The following NEK8 variants were observed in gnomAD, a reference collection of about 807,000 sequenced individuals.
The protein encoded by NEK8 is serine/threonine-protein kinase Nek8.
NEK8 carries 51 observed loss-of-function variants against 77.2 expected under a neutral mutation model. The observed-to-expected ratio is 0.66, with a 90% CI of 0.53 to 0.83. The LOEUF is 0.83. Ranked by LOEUF, NEK8 falls within the 40% of genes least tolerant of loss-of-function variation. The pLI, the probability that NEK8 is intolerant of heterozygous loss-of-function variation, is 0.00. For missense variants in NEK8, 787 were observed against 909.2 expected (o/e 0.87, Z 1.73); for synonymous variants, 365 against 363.2 (o/e 1.00, Z -0.06).
intron 9 of NEK8, 46 bp downstream of exon 9, chr17:28,738,793 G>A: frequency 6.8e-7 from 1 of 1,478,360 alleles, no homozygotes; most frequent in Non-Finnish European, 9.5e-7. Context: ...GGGGATGGCG[G>A]GGAGCCCACA....
chr17:28,741,313 C>A lies in NEK8; in HGVS notation c.1891+77C>A. On this transcript the variant is annotated intron_variant, in intron 13 of 14. Transcript: ENST00000268766. This position sits in a 1 kb window ranked among gnomAD's most constrained non-coding sequence, Gnocchi z 4.5. The stretch of plus-strand genomic sequence containing the variant: ...GGGGTTGCTATTCAGGGCCACTGGA[C>A]TCTGGAGCCTCCCAGGGGCCATCCT... The A allele has an allele frequency of 6.3e-7, 1 of 1,596,522 alleles. No individual in the cohort carries two copies. The highest frequency in any genetic ancestry group is 1.1e-5 in the South Asian group (1 of 89,158).
At chr17:28,733,040 AT>A (rs775027864) in intron 1 of NEK8, 148 of 123,052 alleles carry the variant, frequency 1.2e-3, no homozygotes, top group Middle Eastern at 4.2e-3. Context: ...TGCTCAGCTA[AT>A]TTTTTTTTTT....
chr17:28,737,400 T>C lies in NEK8; in HGVS notation c.713T>C (p.Leu238Pro). The C allele has an allele frequency of 6.2e-7, 1 of 1,613,732 alleles. No individual in the cohort carries two copies. The highest frequency in any genetic ancestry group is 2.2e-5 in the East Asian group (1 of 44,890). Residue 238 changes from leucine to proline, a missense_variant, in exon 5 of 15, where the codon CTA becomes CCA. This residue lies in a region of NEK8 where 271 missense variants were observed against 365.1 expected (regional missense o/e 0.74). Coordinates refer to ENST00000268766, the MANE Select transcript of NEK8 (RefSeq NM_178170.3). The surrounding 1 kb of genome is among the most constrained non-coding windows in gnomAD (Gnocchi z 4.8). ...GAGCTTCGCCAGCTGGTCCTGAGTC[T>C]ACTCAGCCTGGAGCCTGCCCAGCGG... Reference protein sequence around the residue: ...SPELRQLVLSLLSLEPAQRPP... With the variant: ...SPELRQLVLSPLSLEPAQRPP...
intron 8 of NEK8, 21 bp downstream of exon 8, chr17:28,738,266 T>C (rs1347602825): frequency 6.2e-7 from 1 of 1,614,098 alleles, no homozygotes; most frequent in East Asian, 2.2e-5. Context: ...GGGCCTACCT[T>C]GTGGGACCTG....
chr17:28,738,021 C>T (rs762225317), intron 7 of NEK8, 21 bp downstream of exon 7: 5 of 1,612,690 alleles, frequency 3.1e-6, no homozygotes, highest in Non-Finnish European at 4.2e-6. Flanking sequence ...CAGGGGGTGG[C>T]CTGGATGGGT....
chr17:28,737,704 CAGGG>C lies in NEK8; in HGVS notation c.860_863del (p.Gly287AlafsTer16). On this transcript the variant is annotated frameshift_variant, in exon 6 of 15. Coordinates refer to ENST00000268766, the MANE Select transcript of NEK8 (RefSeq NM_178170.3). LOFTEE classifies it high-confidence loss of function. This position sits in a 1 kb window ranked among gnomAD's most constrained non-coding sequence, Gnocchi z 4.8. ...GAGAAGTCCGTGGCCCCCAGCAACA[CAGGG>C]AGCAGGACCACCAGTGTCCGCTGCA... The C allele has an allele frequency of 6.2e-7, 1 of 1,614,156 alleles. No homozygotes were observed. The highest frequency in any genetic ancestry group is 2.2e-5 in the East Asian group (1 of 44,888).
intron 8 of NEK8, 112 bp downstream of exon 8, chr17:28,738,357 G>A (rs2034388180): frequency 9.3e-6 from 12 of 1,295,654 alleles, no homozygotes; most frequent in Non-Finnish European, 1.2e-5. Context: ...TAGTTATCGA[G>A]TTATTGCTTC....
intron 1 of NEK8, among the ~76,000 whole-genome samples, chr17:28,729,532 A>ATTTTTTTTTT (rs10523946): frequency 2.0e-5 from 2 of 98,350 alleles, no homozygotes; most frequent in Non-Finnish European, 1.9e-5. Flanking sequence ...AATTTTTTGG[A>ATTTTTTTTTT]TTTTTTTTTT....
chr17:28,736,112 T>A (rs921800755), intron 4 of NEK8, among the ~76,000 whole-genome samples: 1 of 152,228 alleles, frequency 6.6e-6, no homozygotes, highest in African/African-American at 2.4e-5. Flanking sequence ...AACTCATCAT[T>A]TTTTACGGCT....
In NEK8 at chr17:28,740,965, C is replaced by T. The variant is rs776359938; in HGVS notation, c.1712C>T (p.Ala571Val). The T allele has an allele frequency of 1.9e-6, 3 of 1,614,158 alleles. No individual in the cohort carries two copies. Among genetic ancestry groups the T allele is most frequent in the Non-Finnish European group, 2.5e-6 (3 of 1,180,040 alleles). ...CTGCTGAGTATAGACCTGGGCACTG[C>T]TCACTCAGCTGCTGTGACTGGTGAG... ...EPLLSIDLGTAHSAAVTASGD... is the reference protein window; with the variant it reads ...EPLLSIDLGTVHSAAVTASGD... Residue 571 changes from alanine (A) to valine (V), a missense_variant, in exon 12 of 15, where the codon GCT becomes GTT. This residue lies in a region of NEK8 where 516 missense variants were observed against 544.0 expected (regional missense o/e 0.95). Coordinates refer to ENST00000268766, the MANE Select transcript of NEK8 (RefSeq NM_178170.3). The surrounding 1 kb of genome is among the most constrained non-coding windows in gnomAD (Gnocchi z 4.7).
chr17:28,736,550 CT>C (rs1429876339), intron 4 of NEK8, among the ~76,000 whole-genome samples: 2 of 152,162 alleles, frequency 1.3e-5, no homozygotes, highest in African/African-American at 2.4e-5. Context: ...TTTCATGTGT[CT>C]TTTGGCTGCA....
intron 1 of NEK8, among the ~76,000 whole-genome samples, chr17:28,733,612 C>T (rs998849114): frequency 2.0e-5 from 3 of 152,194 alleles, no homozygotes; most frequent in Non-Finnish European, 2.9e-5. Flanking sequence ...CAGTGCCTTA[C>T]ATGCATTTTC....
chr17:28,730,794 G>A (rs1340730334), intron 1 of NEK8, among the ~76,000 whole-genome samples: 1 of 152,160 alleles, frequency 6.6e-6, no homozygotes, highest in Non-Finnish European at 1.5e-5. Context: ...GCATTGGCAT[G>A]TGCCTGTAGT....
rs978026700 is a variant in NEK8, at chr17:28,740,819, C to T, written c.1569-3C>T. On this transcript the variant is annotated splice_region_variant and splice_polypyrimidine_tract_variant and intron_variant, in intron 11 of 14. Transcript: ENST00000268766. The surrounding 1 kb of genome is among the most constrained non-coding windows in gnomAD (Gnocchi z 4.7). ...TGGATTTGGCTTCTGGCTCTGCCCT[C>T]AGGTTCAACAAGCTGGGCCTGGACC... is the stretch of plus-strand genomic sequence containing the variant. 3 of 1,613,450 alleles carry T rather than the reference C, an allele frequency of 1.9e-6. No homozygotes were observed. The African/African-American group carries it at 4.0e-5, about 22-fold the overall frequency.
rs2034362192 is a variant in NEK8 at position 28,736,019 on chromosome 17, A to G, written c.618+648A>G. ...TCAATTCCCACCTATGAGTGAGAAC[A>G]TGCGGTGTTTGGTTTTTTGTCCTTG... On this transcript the variant is annotated intron_variant, in intron 4 of 14. Transcript: ENST00000268766. Among the ~76,000 whole-genome samples, 3 of 145,630 alleles carry G rather than the reference A, an allele frequency of 2.1e-5. No homozygotes were observed. In the South Asian group the frequency reaches 6.4e-4, roughly 31 times the overall value.
rs754282241 is a variant in NEK8 at position 28,740,433 on chromosome 17, A to T, written c.1418-30A>T. 5 of 1,613,298 alleles carry T rather than the reference A, an allele frequency of 3.1e-6. No homozygotes were observed. In the African/African-American group the frequency reaches 6.7e-5, roughly 22 times the overall value. Reference sequence around the variant, plus strand: ...CGGGCATCACCCCCACTAAAGCTCAAATTAACTCCTTCTGGGTTTCTTCTT... The same window carrying T: ...CGGGCATCACCCCCACTAAAGCTCATATTAACTCCTTCTGGGTTTCTTCTT... On this transcript the variant is annotated intron_variant, in intron 10 of 14. Transcript: ENST00000268766. The surrounding 1 kb of genome is among the most constrained non-coding windows in gnomAD (Gnocchi z 4.7).
Position 28,740,738 on chromosome 17 carries a change from C to T in NEK8, c.1569-84C>T. 6.3e-7 allele frequency: 1 copy of T among 1,588,774 alleles called. No homozygotes were observed. Among genetic ancestry groups the T allele is most frequent in the Non-Finnish European group, 8.6e-7 (1 of 1,158,784 alleles). On this transcript the variant is annotated intron_variant, in intron 11 of 14. Coordinates refer to ENST00000268766, the MANE Select transcript of NEK8 (RefSeq NM_178170.3). The surrounding 1 kb of genome is among the most constrained non-coding windows in gnomAD (Gnocchi z 4.7). Reference sequence around the variant, plus strand: ...GGGGTTGAGGGTGCTATTGGTTCAACCCAGGGTGGGATCTGTCTCCTGGTG... The same window carrying T: ...GGGGTTGAGGGTGCTATTGGTTCAATCCAGGGTGGGATCTGTCTCCTGGTG...
intron 8 of NEK8, 102 bp downstream of exon 8, chr17:28,738,347 T>A: frequency 7.3e-7 from 1 of 1,369,816 alleles, no homozygotes; most frequent in East Asian, 2.3e-5. Flanking sequence ...TTCTGTCTAC[T>A]AGTTATCGAG....
At position 28,743,021 on chromosome 17, in the gene NEK8, C is replaced by G. The variant is rs2034443833; in HGVS notation, c.*1034C>G. The G allele has an allele frequency of 7.2e-6, 1 of 138,920 alleles. No homozygotes were observed. Among genetic ancestry groups the G allele is most frequent in the South Asian group, 2.2e-4 (1 of 4,546 alleles). The allele number at this position is 138,920 out of a possible 1,614,324, so 8.6% of individuals were successfully genotyped here. On this transcript the variant is annotated 3_prime_UTR_variant, in exon 15 of 15. Coordinates refer to ENST00000268766, the MANE Select transcript of NEK8 (RefSeq NM_178170.3). Reference sequence around the variant, plus strand: ...CCGGGAGGTGAAGTTTGCAGTGAGCCGAGATCGCACCACTGCACTCCAGCC... The same window carrying G: ...CCGGGAGGTGAAGTTTGCAGTGAGCGGAGATCGCACCACTGCACTCCAGCC...
Sources: allele counts gnomAD v4.1 joint callset (sites outside exome capture counted in the v4.1 genomes callset), GRCh38; gene constraint gnomAD v4.1.1; regional missense constraint gnomAD v4.1.1; non-coding constraint Gnocchi (gnomAD v3.1); transcripts MANE v1.5; gene names NCBI Gene and HGNC (gene_info 2026-07-23, HGNC 2026-07-21).